ABCA13: variants seen among roughly 807,000 people sequenced by gnomAD.
ABCA13 encodes ATP-binding cassette sub-family A member 13.
ABCA13 carries 476 observed loss-of-function variants against 478.7 expected under a neutral mutation model. The ratio of observed to expected loss-of-function variants is 0.99; its 90% CI spans 0.92 to 1.07. The LOEUF (loss-of-function observed/expected upper bound fraction) is 1.07, where lower values mean the gene tolerates loss of function less well. ABCA13 is among the 50% of genes least tolerant of loss of function. The probability of loss-of-function intolerance (pLI) is 0.00; values close to 1 mark genes in which losing one functional copy is unlikely to be tolerated. For synonymous variants in ABCA13, 2,252 were observed against 2,158.9 expected (o/e 1.04, Z -1.20); for missense variants, 6,060 against 5,910.6 (o/e 1.03, Z -0.83).
rs539592985 is a variant in ABCA13 at position 48,451,192 on chromosome 7, T to G, written c.12566-3845T>G. Among the ~76,000 whole-genome samples the G allele has an allele frequency of 2.6e-5, 4 of 152,160 alleles. No individual in the cohort carries two copies. In the South Asian group the frequency reaches 6.2e-4, roughly 24 times the overall value. On this transcript the variant is annotated intron_variant, in intron 42 of 61. Coordinates refer to ENST00000435803, the MANE Select transcript of ABCA13 (RefSeq NM_152701.5). ...TTTGTATTTTTAGTAGACACAGGGT[T>G]TCACCATGTTGGACACGCTGGTCTT... is the stretch of plus-strand genomic sequence containing the variant.
chr7:48,516,992 T>C, intron 52 of ABCA13, 111 bp downstream of exon 52: 2 of 1,175,242 alleles, frequency 1.7e-6, no homozygotes, highest in Non-Finnish European at 2.4e-6. Context: ...GGAAATGCAT[T>C]GGTATCCACT....
intron 42 of ABCA13, among the ~76,000 whole-genome samples, chr7:48,446,159 A>T (rs1156641990): frequency 1.3e-5 from 2 of 152,176 alleles, no homozygotes; most frequent in Admixed American, 1.3e-4. Context: ...AAGATGGCAT[A>T]TTCTTAGGCC....
intron 27 of ABCA13, among the ~76,000 whole-genome samples, chr7:48,326,104 T>C (rs1804287034): frequency 6.6e-6 from 1 of 152,342 alleles, no homozygotes; most frequent in African/African-American, 2.4e-5. Context: ...CATGTGCTGC[T>C]GGTTATGCGC....
At chr7:48,325,373 C>T (rs970438533) in intron 27 of ABCA13, among the ~76,000 whole-genome samples, 3 of 152,138 alleles carry the variant, frequency 2.0e-5, no homozygotes, top group Non-Finnish European at 4.4e-5. Context: ...CATTGGCATC[C>T]CTGCCTCAAC....
At chr7:48,487,627 T>A (rs1309017892) in intron 47 of ABCA13, among the ~76,000 whole-genome samples, 1 of 152,222 alleles carries the variant, frequency 6.6e-6, no homozygotes, top group Non-Finnish European at 1.5e-5. Context: ...GTTAAGGGAA[T>A]CAAGACTTGG....
At chr7:48,625,983 G>A (rs904339179) in intron 59 of ABCA13, among the ~76,000 whole-genome samples, 8 of 152,020 alleles carry the variant, frequency 5.3e-5, no homozygotes, top group African/African-American at 1.9e-4. Flanking sequence ...CAATAAACTC[G>A]GCATAGTGTA....
chr7:48,323,305 C>A (rs549641216), intron 27 of ABCA13, among the ~76,000 whole-genome samples: 2 of 152,222 alleles, frequency 1.3e-5, no homozygotes, highest in East Asian at 3.8e-4. Flanking sequence ...GGAATACCTT[C>A]AGCAGTGGCT....
At chr7:48,511,528 T>G (rs1455532409) in intron 51 of ABCA13, among the ~76,000 whole-genome samples, 1 of 152,202 alleles carries the variant, frequency 6.6e-6, no homozygotes, top group African/African-American at 2.4e-5. Flanking sequence ...ATAATCCAAT[T>G]AACTCGGAGA....
chr7:48,428,450 A>G (rs1288168814), intron 42 of ABCA13, among the ~76,000 whole-genome samples: 2 of 152,316 alleles, frequency 1.3e-5, no homozygotes, highest in Non-Finnish European at 2.9e-5. Flanking sequence ...TATTAGCAGC[A>G]ACTCAGCAAG....
At chr7:48,347,744 T>C (rs1808332179) in intron 29 of ABCA13, among the ~76,000 whole-genome samples, 1 of 152,200 alleles carries the variant, frequency 6.6e-6, no homozygotes, top group South Asian at 2.1e-4. Flanking sequence ...GAACTGTTAT[T>C]GGAGTCTTAA....
Position 48,423,159 on chromosome 7 carries a change from C to A in ABCA13, c.12460-4607C>A, listed in dbSNP as rs771604069. On this transcript the variant is annotated intron_variant, in intron 41 of 61. Coordinates refer to ENST00000435803, the MANE Select transcript of ABCA13 (RefSeq NM_152701.5). Reference sequence around the variant, plus strand: ...GTTAGCATGTCAGGGGACAGCCCTGCCCAAGATCCCATATTTAGAGAGCAG... The same window carrying A: ...GTTAGCATGTCAGGGGACAGCCCTGACCAAGATCCCATATTTAGAGAGCAG... Among the ~76,000 whole-genome samples the A allele has an allele frequency of 3.9e-5, 6 of 152,202 alleles. No homozygotes were observed. The East Asian group carries it at 9.6e-4, about 24-fold the overall frequency.
chr7:48,304,155 C>A (rs549331754), intron 23 of ABCA13, among the ~76,000 whole-genome samples: 1 of 152,310 alleles, frequency 6.6e-6, no homozygotes. Context: ...TTAGTAATTT[C>A]TAAAGTCTAC....
chr7:48,212,123 G>A (rs1234693242), intron 3 of ABCA13, among the ~76,000 whole-genome samples: 1 of 152,168 alleles, frequency 6.6e-6, no homozygotes, highest in Non-Finnish European at 1.5e-5. Flanking sequence ...GATACCTCTT[G>A]CTGTGGCACA....
At chr7:48,505,425 G>C (rs771935299) in intron 48 of ABCA13, among the ~76,000 whole-genome samples, 1 of 152,048 alleles carries the variant, frequency 6.6e-6, no homozygotes, top group African/African-American at 2.4e-5. Flanking sequence ...AGATAATACC[G>C]ATAAGATGAA....
chr7:48,183,585 G>A (rs909888534), intron 1 of ABCA13, among the ~76,000 whole-genome samples: 1 of 152,144 alleles, frequency 6.6e-6, no homozygotes, highest in Non-Finnish European at 1.5e-5. Flanking sequence ...ATTCCCAGGA[G>A]AGCCTCATTC....
chr7:48,332,413 C>T (rs1805554187), intron 27 of ABCA13, among the ~76,000 whole-genome samples: 1 of 152,178 alleles, frequency 6.6e-6, no homozygotes, highest in African/African-American at 2.4e-5. Flanking sequence ...GAGATTTTAC[C>T]ACTTCAAACC....
In ABCA13 at chr7:48,276,334, C is replaced by T. The variant is rs1299218551; in HGVS notation, c.6668C>T (p.Ala2223Val). 6.4e-7 allele frequency: 1 copy of T among 1,556,082 alleles called. No homozygotes were observed. Among genetic ancestry groups the T allele is most frequent in the Non-Finnish European group, 8.7e-7 (1 of 1,149,028 alleles). The stretch of plus-strand genomic sequence containing the variant: ...AACTTAGCTGGGAATTCTCAGGAAG[C>T]AGCTTGGAACTTAAATGATACTGAC... ...INNLAGNSQE[A>V]AWNLNDTDLQ... Residue 2223 changes from alanine to valine, a missense_variant, in exon 17 of 62, where the codon GCA becomes GTA. Transcript: ENST00000435803.
chr7:48,430,607 G>A (rs999329762), intron 42 of ABCA13, among the ~76,000 whole-genome samples: 5 of 150,098 alleles, frequency 3.3e-5, no homozygotes, highest in Admixed American at 2.0e-4. Flanking sequence ...CCGGGAGGCG[G>A]AGGTTGCAGT....
intron 27 of ABCA13, among the ~76,000 whole-genome samples, chr7:48,332,102 T>A (rs1288297672): frequency 6.6e-6 from 1 of 152,214 alleles, no homozygotes; most frequent in East Asian, 1.9e-4. Context: ...CTGAATAACA[T>A]TCCCTGGTAT....
Sources: gnomAD v4.1 joint callset for allele counts (sites outside exome capture counted in the v4.1 genomes callset) on GRCh38, gnomAD v4.1.1 for gene constraint, MANE v1.5 for transcripts, NCBI Gene and HGNC (gene_info 2026-07-23, HGNC 2026-07-21) for gene names.